The following SGCZ variants were observed in gnomAD, a reference collection of about 807,000 sequenced individuals.
The protein encoded by SGCZ is zeta-sarcoglycan.
A neutral mutation model predicts 41.3 loss-of-function variants in SGCZ; 40 were observed. The observed-to-expected ratio is 0.97, with a 90% CI of 0.75 to 1.26. The LOEUF (loss-of-function observed/expected upper bound fraction) is 1.26, where lower values mean the gene tolerates loss of function less well. Ranked by LOEUF, SGCZ falls within the 50% of genes most tolerant of loss-of-function variation. SGCZ has a pLI of 0.00. For synonymous variants in SGCZ, 206 were observed against 137.5 expected (o/e 1.50, Z -3.49); for missense variants, 552 against 369.8 (o/e 1.49, Z -4.04).
chr8:15,072,963 G>T (rs962800788), intron 1 of SGCZ, among the ~76,000 whole-genome samples: 13 of 152,256 alleles, frequency 8.5e-5, no homozygotes, highest in African/African-American at 3.1e-4. Context: ...GTCTCATGCT[G>T]CTGGGAGTGA....
rs942511131 is a variant in SGCZ, at chr8:14,697,517, T to C, written c.40-142591A>G. Among the ~76,000 whole-genome samples the C allele has an allele frequency of 5.3e-5, 8 of 152,198 alleles. No homozygotes were observed. The South Asian group carries it at 1.7e-3, about 31-fold the overall frequency. ...ACACAAAAGGTGCAATCCATGTAGT[T>C]AAAAAGTGTATAAACTTGTTCTGCT... On this transcript the variant is annotated intron_variant, in intron 1 of 7. Coordinates refer to ENST00000382080, the MANE Select transcript of SGCZ (RefSeq NM_139167.4).
chr8:14,729,716 A>G lies in SGCZ; in HGVS notation c.40-174790T>C, dbSNP rs1054339738. Among the ~76,000 whole-genome samples, 6 of 152,326 alleles carry G rather than the reference A, an allele frequency of 3.9e-5. No individual in the cohort carries two copies. In the East Asian group the frequency reaches 9.6e-4, roughly 24 times the overall value. On this transcript the variant is annotated intron_variant, in intron 1 of 7. Coordinates refer to ENST00000382080, the MANE Select transcript of SGCZ (RefSeq NM_139167.4). Reference sequence around the variant, plus strand: ...GTAACCTAGTCTCTAGAAATTTATTATGGCAGCACTTGAAAACTGATACAT... The same window carrying G: ...GTAACCTAGTCTCTAGAAATTTATTGTGGCAGCACTTGAAAACTGATACAT...
intron 2 of SGCZ, among the ~76,000 whole-genome samples, chr8:14,380,676 T>C (rs1804328185): frequency 6.6e-6 from 1 of 152,026 alleles, no homozygotes; most frequent in African/African-American, 2.4e-5. Flanking sequence ...ACATGGTGAA[T>C]CCCAGTCTCT....
intron 3 of SGCZ, among the ~76,000 whole-genome samples, chr8:14,257,698 G>C (rs1799514629): frequency 1.3e-5 from 2 of 150,220 alleles, no homozygotes; most frequent in African/African-American, 2.4e-5. Context: ...TGTTCTCATG[G>C]TTGAATTCCC....
At chr8:14,353,460 C>T (rs1803174315) in intron 2 of SGCZ, among the ~76,000 whole-genome samples, 1 of 152,022 alleles carries the variant, frequency 6.6e-6, no homozygotes, top group African/African-American at 2.4e-5. Flanking sequence ...TTCAACTATC[C>T]ACTGGACAGC....
At chr8:14,456,272 G>A (rs1225502733) in intron 2 of SGCZ, among the ~76,000 whole-genome samples, 2 of 152,130 alleles carry the variant, frequency 1.3e-5, no homozygotes, top group African/African-American at 2.4e-5. Flanking sequence ...GCCGGGTGTG[G>A]TGGTGCACGC....
chr8:14,489,458 T>A (rs1288269417), intron 2 of SGCZ, among the ~76,000 whole-genome samples: 1 of 152,098 alleles, frequency 6.6e-6, no homozygotes, highest in African/African-American at 2.4e-5. Flanking sequence ...AAAGAACACA[T>A]TTGTACATGT....
At chr8:14,581,324 C>A (rs1441475078) in intron 1 of SGCZ, among the ~76,000 whole-genome samples, 1 of 152,146 alleles carries the variant, frequency 6.6e-6, no homozygotes, top group African/African-American at 2.4e-5. Flanking sequence ...CCAGGCTGGT[C>A]TCGACCTCCT....
At chr8:14,206,446 C>A (rs980341158) in intron 4 of SGCZ, among the ~76,000 whole-genome samples, 8 of 152,094 alleles carry the variant, frequency 5.3e-5, no homozygotes, top group Non-Finnish European at 1.2e-4. Context: ...TCACTTCAAA[C>A]ATTAAATAAA....
intron 1 of SGCZ, among the ~76,000 whole-genome samples, chr8:15,096,759 C>T (rs1054477651): frequency 3.9e-5 from 6 of 152,074 alleles, no homozygotes; most frequent in African/African-American, 1.4e-4. Context: ...AATCTCGGCT[C>T]ACTGTAACCT....
chr8:14,926,055 C>T (rs138318595), intron 1 of SGCZ, among the ~76,000 whole-genome samples: 143 of 151,832 alleles, frequency 9.4e-4, no homozygotes, highest in African/African-American at 3.4e-3. Context: ...AAATGAATTC[C>T]CAAAAGGAAA....
chr8:14,610,946 T>A (rs1805908915), intron 1 of SGCZ, among the ~76,000 whole-genome samples: 1 of 152,196 alleles, frequency 6.6e-6, no homozygotes, highest in Non-Finnish European at 1.5e-5. Context: ...TCATATTAAT[T>A]CTTCCTTTTA....
At chr8:14,391,795 T>G (rs919628428) in intron 2 of SGCZ, among the ~76,000 whole-genome samples, 1 of 152,160 alleles carries the variant, frequency 6.6e-6, no homozygotes, top group African/African-American at 2.4e-5. Context: ...TTCTTCAGGT[T>G]GTACAGGAAG....
chr8:15,159,751 CACCCCCGCCA>C (rs1264933424), intron 1 of SGCZ, among the ~76,000 whole-genome samples: 6 of 46,716 alleles, frequency 1.3e-4, no homozygotes, highest in African/African-American at 3.6e-4. Flanking sequence ...CCCTCCCCCC[CACCCCCGCCA>C]CACACACACA....
intron 5 of SGCZ, among the ~76,000 whole-genome samples, chr8:14,156,273 C>A (rs778616620): frequency 6.6e-6 from 1 of 152,092 alleles, no homozygotes. Context: ...TCCTGGCTAA[C>A]ACAGTGAAAT....
intron 1 of SGCZ, among the ~76,000 whole-genome samples, chr8:15,180,038 A>C (rs1212664595): frequency 1.3e-5 from 2 of 152,204 alleles, no homozygotes; most frequent in Admixed American, 6.5e-5. Flanking sequence ...GTGTTATAAA[A>C]AAAATTAAAA....
Position 14,941,252 on chromosome 8 carries a change from A to G in SGCZ, c.39+296333T>C, listed in dbSNP as rs149988133. On this transcript the variant is annotated intron_variant, in intron 1 of 7. Transcript: ENST00000382080. ...ATCATAGTAATACCATTTAGGGGGA[A>G]CTATCCTACAGATATAAAAGCAGTA... Among the ~76,000 whole-genome samples the G allele has an allele frequency of 4.1e-3, 617 of 152,224 alleles. 6 individuals carry two copies. Among genetic ancestry groups the G allele is most frequent in the South Asian group, 0.017 (84 of 4,830 alleles).
At chr8:14,769,210 G>T (rs575296615) in intron 1 of SGCZ, among the ~76,000 whole-genome samples, 1 of 152,208 alleles carries the variant, frequency 6.6e-6, no homozygotes, top group African/African-American at 2.4e-5. Flanking sequence ...TAATGATAAT[G>T]ACAATGATGT....
At chr8:14,432,545 G>C (rs745349967) in intron 2 of SGCZ, among the ~76,000 whole-genome samples, 1 of 152,128 alleles carries the variant, frequency 6.6e-6, no homozygotes, top group Admixed American at 6.5e-5. Context: ...TGAGAAGGGG[G>C]TGAGGGATAC....
Sources: allele counts gnomAD v4.1 joint callset (sites outside exome capture counted in the v4.1 genomes callset), GRCh38; gene constraint gnomAD v4.1.1; transcripts MANE v1.5; gene names NCBI Gene and HGNC (gene_info 2026-07-23, HGNC 2026-07-21).